Variants in TBCD observed in about 807,000 individuals in gnomAD.
TBCD encodes the protein tubulin folding cofactor D.
A neutral mutation model predicts 169.3 loss-of-function variants in TBCD; 105 were observed. The observed-to-expected ratio is 0.62, with a 90% confidence interval of 0.53 to 0.73. TBCD has a LOEUF of 0.73. TBCD is among the 30% of genes least tolerant of loss of function. TBCD has a pLI of 0.00. For synonymous variants in TBCD, 700 were observed against 643.9 expected (o/e 1.09, Z -1.32); for missense variants, 1,444 against 1,600.1 (o/e 0.90, Z 1.66).
Position 82,831,929 on chromosome 17 carries a change from C to T in TBCD, c.1318+16995C>T, listed in dbSNP as rs774173103. On this transcript the variant is annotated intron_variant, in intron 13 of 38. Coordinates refer to ENST00000355528, the MANE Select transcript of TBCD (RefSeq NM_005993.5). The surrounding 1 kb of genome is among the most constrained non-coding windows in gnomAD (Gnocchi z 4.6). ...AAAGCCAGTGTCTCGGGCGCCTCGG[C>T]GTTGTCTGGCCCCTTGAGTCTGTGC... 33 of 1,614,046 alleles carry T rather than the reference C, an allele frequency of 2.0e-5. No individual in the cohort carries two copies. Among genetic ancestry groups the T allele is most frequent in the Middle Eastern group, 1.6e-4 (1 of 6,084 alleles).
chr17:82,925,694 G>A (rs1050290368), intron 27 of TBCD, among the ~76,000 whole-genome samples: 4 of 152,200 alleles, frequency 2.6e-5, no homozygotes, highest in African/African-American at 9.7e-5. Flanking sequence ...GGGCCTCGCA[G>A]CCGCCATGCC....
At chr17:82,902,003 A>C (rs945459693) in intron 18 of TBCD, among the ~76,000 whole-genome samples, 2 of 152,132 alleles carry the variant, frequency 1.3e-5, no homozygotes, top group Non-Finnish European at 2.9e-5. Context: ...CAGCTGGTAC[A>C]TATGCCCGTG....
intron 14 of TBCD, among the ~76,000 whole-genome samples, chr17:82,878,638 G>A (rs1010461043): frequency 3.9e-5 from 6 of 152,206 alleles, no homozygotes; most frequent in Non-Finnish European, 7.3e-5. Flanking sequence ...GATGGGGCCT[G>A]CCAGGTGCCT....
chr17:82,897,148 T>G (rs2059543440), intron 17 of TBCD, among the ~76,000 whole-genome samples: 1 of 152,170 alleles, frequency 6.6e-6, no homozygotes, highest in Non-Finnish European at 1.5e-5. Context: ...GATGCTTCCT[T>G]GCTACATATT....
intron 9 of TBCD, among the ~76,000 whole-genome samples, chr17:82,804,039 G>A (rs2050768730): frequency 7.0e-6 from 1 of 143,730 alleles, no homozygotes. Context: ...GGCGTTAGCG[G>A]GGAGTGGGGG....
chr17:82,836,230 T>C (rs114826858), intron 13 of TBCD, among the ~76,000 whole-genome samples: 4,404 of 152,344 alleles, frequency 0.029, 234 homozygotes, highest in African/African-American at 0.099. Flanking sequence ...AGCCAAACGC[T>C]GGGCCAGCCA....
chr17:82,937,937 G>C, intron 35 of TBCD, 112 bp from the exon 36 acceptor site: 3 of 1,546,692 alleles, frequency 1.9e-6, no homozygotes, highest in Non-Finnish European at 2.6e-6. Context: ...CCCGCACTGT[G>C]CTCACGGATC....
At chr17:82,778,086 A>G (rs1321523509) in intron 6 of TBCD, among the ~76,000 whole-genome samples, 1 of 152,202 alleles carries the variant, frequency 6.6e-6, no homozygotes, top group Non-Finnish European at 1.5e-5. Flanking sequence ...GGCTTTTCCT[A>G]GGTTATGATT....
At chr17:82,868,495 C>T (rs572428907) in intron 13 of TBCD, among the ~76,000 whole-genome samples, 2 of 152,170 alleles carry the variant, frequency 1.3e-5, no homozygotes, top group Non-Finnish European at 2.9e-5. Context: ...CTTGATACCA[C>T]GGTATCTTTG....
At position 82,929,231 on chromosome 17, in the gene TBCD, C is replaced by A. The variant is rs772639597; in HGVS notation, c.2812C>A (p.His938Asn). 3 of 1,613,966 alleles carry A rather than the reference C, an allele frequency of 1.9e-6. No individual in the cohort carries two copies. The East Asian group carries it at 6.7e-5, about 36-fold the overall frequency. The part of the protein sequence containing the change: ...LLHFDSPPIP[H>N]VPHRGELEKL... ...GCACTTTGACAGCCCTCCCATCCCC[C>A]ACGTGCCCCACCGAGGAGAACTGGA... The change falls in exon 31 of 39, where the codon CAC (histidine) becomes AAC (asparagine). Residue 938 changes from histidine (H) to asparagine (N), a missense_variant. His to Asn is a moderately conservative substitution (Grantham distance 68, BLOSUM62 1). Transcript: ENST00000355528.
At chr17:82,752,680 C>T (rs1474654161) in intron 1 of TBCD, among the ~76,000 whole-genome samples, 1 of 152,100 alleles carries the variant, frequency 6.6e-6, no homozygotes, top group Non-Finnish European at 1.5e-5. Context: ...TGCAGAAGCC[C>T]TCCGTCCCCC....
intron 23 of TBCD, among the ~76,000 whole-genome samples, chr17:82,917,106 G>A (rs1308056724): frequency 7.8e-6 from 1 of 127,852 alleles, no homozygotes; most frequent in African/African-American, 2.9e-5. Context: ...TGCAACCTCC[G>A]CCTCCCGGGA....
intron 7 of TBCD, among the ~76,000 whole-genome samples, chr17:82,786,184 C>T (rs1461063265): frequency 6.6e-6 from 1 of 152,168 alleles, no homozygotes; most frequent in Non-Finnish European, 1.5e-5. Context: ...ACCTGTGGCT[C>T]ACAGGATCTG....
chr17:82,801,434 G>T (rs970912877), intron 9 of TBCD, among the ~76,000 whole-genome samples: 1 of 152,092 alleles, frequency 6.6e-6, no homozygotes, highest in East Asian at 1.9e-4. Context: ...GGAAGGTGGC[G>T]TGTGCGTCGT....
At position 82,870,292 on chromosome 17, in the gene TBCD, G is replaced by A. The variant is rs371619945; in HGVS notation, c.1387G>A (p.Val463Ile). 1.4e-5 allele frequency: 23 copies of A among 1,613,470 alleles called. No homozygotes were observed. The highest frequency in any genetic ancestry group is 2.7e-5 in the African/African-American group (2 of 74,950). The change falls in exon 14 of 39, where the codon GTC (valine) becomes ATC (isoleucine). Residue 463 changes from valine to isoleucine, a missense_variant. Val to Ile is a conservative substitution (Grantham distance 29). Transcript: ENST00000355528. ...GGGTGCCTGCAGCGTGGGCACCAAC[G>A]TCAGGGACGCCGCCTGCTACGTGTG... ...KRGACSVGTN[V>I]RDAACYVCWA...
intron 7 of TBCD, among the ~76,000 whole-genome samples, chr17:82,783,646 C>G (rs2144337016): frequency 6.6e-6 from 1 of 152,322 alleles, no homozygotes; most frequent in East Asian, 1.9e-4. Context: ...CCCGATGTGT[C>G]CAAGGTTCAT....
chr17:82,924,368 G>T (rs763676448), intron 26 of TBCD, among the ~76,000 whole-genome samples: 1 of 152,176 alleles, frequency 6.6e-6, no homozygotes, highest in Non-Finnish European at 1.5e-5. Context: ...CTGGCTTTAC[G>T]CCGTGTCCCG....
At chr17:82,817,951 G>GGT (rs2052063789) in intron 13 of TBCD, among the ~76,000 whole-genome samples, 1 of 152,044 alleles carries the variant, frequency 6.6e-6, no homozygotes, top group African/African-American at 2.4e-5. Flanking sequence ...TGTGTGTGAG[G>GGT]GTGTGTGTGT....
chr17:82,803,101 T>A (rs1205199160), intron 9 of TBCD, among the ~76,000 whole-genome samples: 1 of 152,244 alleles, frequency 6.6e-6, no homozygotes, highest in East Asian at 1.9e-4. Flanking sequence ...CGTTCTCTTC[T>A]TGGTTGTCTT....
Sources: gnomAD v4.1 joint callset for allele counts (sites outside exome capture counted in the v4.1 genomes callset) on GRCh38, gnomAD v4.1.1 for gene constraint, Gnocchi (gnomAD v3.1) non-coding constraint, MANE v1.5 for transcripts, NCBI Gene and HGNC (gene_info 2026-07-23, HGNC 2026-07-21) for gene names.